Variants in PAPPA2 observed in about 807,000 individuals in gnomAD.
The protein encoded by PAPPA2 is pappalysin-2.
A neutral mutation model predicts 176.4 loss-of-function variants in PAPPA2; 86 were observed. The observed-to-expected ratio is 0.49, with a 90% CI of 0.41 to 0.58. PAPPA2 has a LOEUF of 0.58. PAPPA2 is among the 20% of genes least tolerant of loss of function. The pLI is 0.00. For missense variants in PAPPA2, 2,073 were observed against 2,256.9 expected, an observed-to-expected ratio of 0.92 and a Z score of 1.65; for synonymous variants, 809 against 852.2, an observed-to-expected ratio of 0.95 and a Z score of 0.88.
At chr1:176,728,911 C>T (rs1662002521) in intron 12 of PAPPA2, among the ~76,000 whole-genome samples, 1 of 151,720 alleles carries the variant, frequency 6.6e-6, no homozygotes, top group Admixed American at 6.6e-5. Flanking sequence ...TTGCCCAAAC[C>T]CGATATTACC....
chr1:176,727,332 TA>T (rs1388797584), intron 12 of PAPPA2, among the ~76,000 whole-genome samples: 1 of 151,906 alleles, frequency 6.6e-6, no homozygotes, highest in Non-Finnish European at 1.5e-5. Context: ...ACACTTCAAA[TA>T]AAAAGACATG....
chr1:176,701,051 TACACAC>T (rs374838543), intron 8 of PAPPA2, among the ~76,000 whole-genome samples: 48 of 148,384 alleles, frequency 3.2e-4, no homozygotes, highest in Non-Finnish European at 5.4e-4. Flanking sequence ...CACACACACA[TACACAC>T]ACACACACAC....
chr1:176,700,570 C>T (rs1660606182), intron 8 of PAPPA2, among the ~76,000 whole-genome samples: 2 of 152,230 alleles, frequency 1.3e-5, no homozygotes, highest in South Asian at 2.1e-4. Context: ...CCTCTTTCCT[C>T]ATGGTCTCTC....
chr1:176,824,670 T>G (rs1013586609), intron 21 of PAPPA2, among the ~76,000 whole-genome samples: 3 of 152,180 alleles, frequency 2.0e-5, no homozygotes, highest in Non-Finnish European at 1.5e-5. Context: ...TTAAAATAGT[T>G]AAGTTTAATT....
At chr1:176,539,381 A>G (rs953247507) in intron 1 of PAPPA2, among the ~76,000 whole-genome samples, 26 of 152,336 alleles carry the variant, frequency 1.7e-4, no homozygotes, top group African/African-American at 6.3e-4. Context: ...GGAGCCACAG[A>G]TGCCACCCTC....
At chr1:176,697,113 C>G (rs1660421120) in intron 7 of PAPPA2, among the ~76,000 whole-genome samples, 1 of 151,842 alleles carries the variant, frequency 6.6e-6, no homozygotes. Flanking sequence ...GTATTTTTTT[C>G]CTTTTTATTT....
intron 3 of PAPPA2, among the ~76,000 whole-genome samples, chr1:176,615,209 C>T (rs1655135261): frequency 6.6e-6 from 1 of 152,218 alleles, no homozygotes; most frequent in Non-Finnish European, 1.5e-5. Flanking sequence ...CCCTGTTAAG[C>T]TGCACCTCAG....
chr1:176,620,428 A>T (rs1655519188), intron 3 of PAPPA2, among the ~76,000 whole-genome samples: 1 of 152,134 alleles, frequency 6.6e-6, no homozygotes, highest in African/African-American at 2.4e-5. Flanking sequence ...AGGAAAATTG[A>T]TTTCTGAGTT....
chr1:176,831,898 T>C (rs989897751), intron 21 of PAPPA2, among the ~76,000 whole-genome samples: 30 of 152,126 alleles, frequency 2.0e-4, no homozygotes, highest in African/African-American at 6.8e-4. Context: ...TCTTTTCTGT[T>C]TTTATAAGTT....
chr1:176,537,535 A>G (rs1650129107), intron 1 of PAPPA2, among the ~76,000 whole-genome samples: 1 of 152,174 alleles, frequency 6.6e-6, no homozygotes, highest in African/African-American at 2.4e-5. Flanking sequence ...ATTCCTACAC[A>G]TGTGCCTGGC....
At chr1:176,471,695 C>T (rs1651882661) in intron 1 of PAPPA2, among the ~76,000 whole-genome samples, 1 of 152,226 alleles carries the variant, frequency 6.6e-6, no homozygotes, top group Non-Finnish European at 1.5e-5. Flanking sequence ...CATCCTTAAA[C>T]ACTATAGTTT....
intron 1 of PAPPA2, among the ~76,000 whole-genome samples, chr1:176,481,441 AC>A (rs1483147236): frequency 6.6e-6 from 1 of 151,218 alleles, no homozygotes; most frequent in African/African-American, 2.4e-5. Flanking sequence ...TTTATATCCA[AC>A]CAGGGACATC....
chr1:176,690,094 T>G, intron 4 of PAPPA2, 43 bp from the exon 5 acceptor site: 1 of 1,501,852 alleles, frequency 6.7e-7, no homozygotes, highest in South Asian at 1.2e-5. Flanking sequence ...TGGAGAGCTA[T>G]TCATTCTGTG....
intron 11 of PAPPA2, among the ~76,000 whole-genome samples, chr1:176,711,548 G>A (rs997330529): frequency 1.3e-5 from 2 of 152,072 alleles, no homozygotes; most frequent in African/African-American, 2.4e-5. Context: ...TGTTCCTGGG[G>A]CAGTTACCTG....
intron 1 of PAPPA2, among the ~76,000 whole-genome samples, chr1:176,524,414 T>G (rs560546017): frequency 6.6e-6 from 1 of 152,160 alleles, no homozygotes; most frequent in East Asian, 1.9e-4. Context: ...TTTTAATGAA[T>G]TTTTTTCTTA....
At chr1:176,729,002 A>G (rs374320808) in intron 12 of PAPPA2, among the ~76,000 whole-genome samples, 48 of 152,074 alleles carry the variant, frequency 3.2e-4, no homozygotes, top group Middle Eastern at 6.8e-3. Context: ...CTAATTATTA[A>G]TGGGGTATAG....
At chr1:176,698,320 C>A (rs181900478) in intron 7 of PAPPA2, among the ~76,000 whole-genome samples, 1 of 152,178 alleles carries the variant, frequency 6.6e-6, no homozygotes, top group African/African-American at 2.4e-5. Flanking sequence ...TGTGCCACAG[C>A]CACTCAGCTA....
chr1:176,801,544 AC>A (rs1648850163), intron 21 of PAPPA2, among the ~76,000 whole-genome samples: 1 of 152,150 alleles, frequency 6.6e-6, no homozygotes, highest in Non-Finnish European at 1.5e-5. Context: ...GTGTGGGCCA[AC>A]AAAACAGCTC....
At chr1:176,579,485 A>G (rs1365990196) in intron 2 of PAPPA2, among the ~76,000 whole-genome samples, 1 of 152,124 alleles carries the variant, frequency 6.6e-6, no homozygotes, top group Non-Finnish European at 1.5e-5. Context: ...GGAGACATAA[A>G]CAGCTGGGCC....
Sources: gnomAD v4.1 joint callset for allele counts (sites outside exome capture counted in the v4.1 genomes callset) on GRCh38, gnomAD v4.1.1 for gene constraint, MANE v1.5 for transcripts, NCBI Gene and HGNC (gene_info 2026-07-23, HGNC 2026-07-21) for gene names.